HS6ST3: variants seen among roughly 807,000 people sequenced by gnomAD.
HS6ST3 encodes heparan sulfate 6-O-sulfotransferase 3, also known as heparan-sulfate 6-O-sulfotransferase 3.
A neutral mutation model predicts 36.7 loss-of-function variants in HS6ST3; 12 were observed. That is an observed-to-expected ratio of 0.33 (90% CI 0.21 to 0.53). HS6ST3 has a LOEUF of 0.53. Ranked by LOEUF, HS6ST3 falls within the 20% of genes least tolerant of loss-of-function variation. HS6ST3 has a pLI of 0.95. For missense variants in HS6ST3, 584 were observed against 640.9 expected, an observed-to-expected ratio of 0.91 and a Z score of 0.96; for synonymous variants, 240 against 257.5, an observed-to-expected ratio of 0.93 and a Z score of 0.65.
At chr13:96,162,448 GTTTA>G (rs1424207775) in intron 1 of HS6ST3, among the ~76,000 whole-genome samples, 1 of 152,170 alleles carries the variant, frequency 6.6e-6, no homozygotes, top group Non-Finnish European at 1.5e-5. Context: ...TGGGCAAAGC[GTTTA>G]TTTGTTTTGG....
At chr13:96,220,163 T>G (rs1219596066) in intron 1 of HS6ST3, among the ~76,000 whole-genome samples, 1 of 152,202 alleles carries the variant, frequency 6.6e-6, no homozygotes, top group Non-Finnish European at 1.5e-5. Context: ...GTGAACACAG[T>G]GTCTATCTTG....
rs1449724915 is a variant in HS6ST3, at chr13:96,785,752, G to A, written c.708-46738G>A. ...CACAAAAAGAGGCAAAGAGATACAT[G>A]AAAGAAAGGAAGCCCATATTTTATT... On this transcript the variant is annotated intron_variant, in intron 1 of 1. Coordinates refer to ENST00000376705, the MANE Select transcript of HS6ST3 (RefSeq NM_153456.4). Among the ~76,000 whole-genome samples the A allele has an allele frequency of 2.0e-5, 3 of 152,168 alleles. No homozygotes were observed. The East Asian group carries it at 5.8e-4, about 29-fold the overall frequency.
chr13:96,492,102 A>G (rs886985963), intron 1 of HS6ST3, among the ~76,000 whole-genome samples: 1 of 152,114 alleles, frequency 6.6e-6, no homozygotes, highest in Non-Finnish European at 1.5e-5. Flanking sequence ...CTGTGGATTG[A>G]TTGTAGGTAG....
chr13:96,684,670 C>T (rs2138440063), intron 1 of HS6ST3, among the ~76,000 whole-genome samples: 1 of 152,176 alleles, frequency 6.6e-6, no homozygotes, highest in South Asian at 2.1e-4. Context: ...TGTTGTCATC[C>T]TTTCACTTAA....
At chr13:96,702,973 A>G (rs548417106) in intron 1 of HS6ST3, among the ~76,000 whole-genome samples, 1 of 152,354 alleles carries the variant, frequency 6.6e-6, no homozygotes, top group South Asian at 2.1e-4. Flanking sequence ...ATGCTCTATA[A>G]CTTTGGGCTA....
intron 1 of HS6ST3, among the ~76,000 whole-genome samples, chr13:96,438,908 A>C (rs563010720): frequency 6.6e-6 from 1 of 152,198 alleles, no homozygotes; most frequent in African/African-American, 2.4e-5. Context: ...TGTACTAAAA[A>C]TACAAAAAAA....
At chr13:96,494,524 C>G (rs887658995) in intron 1 of HS6ST3, among the ~76,000 whole-genome samples, 4 of 151,004 alleles carry the variant, frequency 2.6e-5, no homozygotes, top group African/African-American at 9.8e-5. Flanking sequence ...CACATGTACC[C>G]TAAAACTTAA....
intron 1 of HS6ST3, among the ~76,000 whole-genome samples, chr13:96,131,040 G>T (rs2053973141): frequency 6.6e-6 from 1 of 152,072 alleles, no homozygotes; most frequent in East Asian, 1.9e-4. Flanking sequence ...GGGGTGTCAG[G>T]GACTGCGTGA....
intron 1 of HS6ST3, among the ~76,000 whole-genome samples, chr13:96,462,104 C>G (rs1380038839): frequency 6.6e-6 from 1 of 152,160 alleles, no homozygotes; most frequent in African/African-American, 2.4e-5. Flanking sequence ...GGGTCTGACT[C>G]TGTTGCCCAG....
chr13:96,632,091 C>A (rs1173709776), intron 1 of HS6ST3, among the ~76,000 whole-genome samples: 1 of 152,266 alleles, frequency 6.6e-6, no homozygotes, highest in Admixed American at 6.5e-5. Flanking sequence ...AGAGCTCCAC[C>A]CTCCTGGGTG....
At chr13:96,727,197 A>G (rs1876026672) in intron 1 of HS6ST3, among the ~76,000 whole-genome samples, 1 of 152,180 alleles carries the variant, frequency 6.6e-6, no homozygotes, top group African/African-American at 2.4e-5. Context: ...TTCAAGCATA[A>G]AAGATCTTGA....
intron 1 of HS6ST3, among the ~76,000 whole-genome samples, chr13:96,241,334 A>C (rs1395881264): frequency 6.6e-6 from 1 of 152,188 alleles, no homozygotes; most frequent in African/African-American, 2.4e-5. Flanking sequence ...TGTTCTAGGC[A>C]CTTACATAAA....
chr13:96,302,079 G>T (rs1051429639), intron 1 of HS6ST3, among the ~76,000 whole-genome samples: 7 of 151,692 alleles, frequency 4.6e-5, no homozygotes, highest in African/African-American at 1.7e-4. Context: ...GTGGCAGTGG[G>T]GGTTATATTA....
At chr13:96,333,717 G>A (rs1007454904) in intron 1 of HS6ST3, among the ~76,000 whole-genome samples, 1 of 152,128 alleles carries the variant, frequency 6.6e-6, no homozygotes, top group South Asian at 2.1e-4. Context: ...TGCTTTATAA[G>A]ATTTAAATAT....
chr13:96,190,266 A>T (rs2054282902), intron 1 of HS6ST3, among the ~76,000 whole-genome samples: 1 of 152,088 alleles, frequency 6.6e-6, no homozygotes, highest in East Asian at 1.9e-4. Context: ...TTGCGTTCTT[A>T]TTGGGTCTCT....
chr13:96,750,562 T>A (rs139912118), intron 1 of HS6ST3, among the ~76,000 whole-genome samples: 1 of 152,236 alleles, frequency 6.6e-6, no homozygotes, highest in East Asian at 1.9e-4. Context: ...GCTTTGTATA[T>A]GTGTATTTAT....
At chr13:96,630,970 T>C (rs748253443) in intron 1 of HS6ST3, among the ~76,000 whole-genome samples, 10 of 152,164 alleles carry the variant, frequency 6.6e-5, no homozygotes, top group Non-Finnish European at 1.0e-4. Context: ...TTATATTTTT[T>C]AGAAGTACAG....
chr13:96,492,090 G>A (rs2055948832), intron 1 of HS6ST3, among the ~76,000 whole-genome samples: 1 of 152,066 alleles, frequency 6.6e-6, no homozygotes, highest in African/African-American at 2.4e-5. Context: ...TTCCTCTCTT[G>A]CCTGTGGATT....
intron 1 of HS6ST3, among the ~76,000 whole-genome samples, chr13:96,231,730 A>G (rs1205600996): frequency 6.6e-6 from 1 of 152,160 alleles, no homozygotes; most frequent in African/African-American, 2.4e-5. Flanking sequence ...AGTAGCAAGA[A>G]AGTAGGACGT....
Sources: gnomAD v4.1 joint callset for allele counts (sites outside exome capture counted in the v4.1 genomes callset) on GRCh38, gnomAD v4.1.1 for gene constraint, MANE v1.5 for transcripts, NCBI Gene and HGNC (gene_info 2026-07-23, HGNC 2026-07-21) for gene names.